CDC16: variants seen among roughly 807,000 people sequenced by gnomAD.
CDC16 encodes cell division cycle protein 16 homolog.
Under a neutral mutation model 87.0 loss-of-function variants are expected in CDC16, and 34 were observed. That is an observed-to-expected ratio of 0.39 (90% confidence interval 0.30 to 0.52). The LOEUF (loss-of-function observed/expected upper bound fraction) is 0.52, where lower values mean the gene tolerates loss of function less well. CDC16 is among the 20% of genes least tolerant of loss of function. CDC16 has a pLI of 0.74. For missense variants in CDC16, 653 were observed against 751.9 expected (o/e 0.87, Z 1.54); for synonymous variants, 263 against 260.6 (o/e 1.01, Z -0.09).
intron 9 of CDC16, among the ~76,000 whole-genome samples, chr13:114,245,561 C>T (rs2081822039): frequency 6.6e-6 from 1 of 152,146 alleles, no homozygotes; most frequent in African/African-American, 2.4e-5. Context: ...CTGCTCTGGT[C>T]TACTGAATCC....
At chr13:114,246,621 G>A (rs2081888283) in intron 10 of CDC16, among the ~76,000 whole-genome samples, 1 of 152,222 alleles carries the variant, frequency 6.6e-6, no homozygotes, top group South Asian at 2.1e-4. Context: ...CTCGGACAGA[G>A]AGCAAGGAAG....
chr13:114,238,874 G>T, intron 3 of CDC16, 116 bp from the exon 4 acceptor site: 1 of 1,325,304 alleles, frequency 7.5e-7, no homozygotes, highest in Non-Finnish European at 1.0e-6. Flanking sequence ...TTTTTTAACT[G>T]CAAGAGTAAA....
At chr13:114,250,305 C>A (rs17291306) in intron 11 of CDC16, among the ~76,000 whole-genome samples, 1 of 152,032 alleles carries the variant, frequency 6.6e-6, no homozygotes, top group Non-Finnish European at 1.5e-5. Context: ...CCAGCCTGAC[C>A]GACATGGTGA....
In CDC16 at chr13:114,247,011, A is replaced by C. The variant is rs1440265336; in HGVS notation, c.971+7A>C. On this transcript the variant is annotated splice_region_variant and intron_variant, in intron 11 of 17. Coordinates refer to ENST00000356221, the MANE Select transcript of CDC16 (RefSeq NM_001078645.3). The stretch of plus-strand genomic sequence containing the variant: ...ATGCCAGAAGATATCTCAGGTATGA[A>C]TTTATTTTTTTCCTCTCTAGTTAAC... 2.5e-6 allele frequency: 4 copies of C among 1,593,308 alleles called. No individual in the cohort carries two copies. The highest frequency in any genetic ancestry group is 2.6e-6 in the Non-Finnish European group (3 of 1,161,384).
chr13:114,262,089 A>C, intron 15 of CDC16, 141 bp downstream of exon 15: 1 of 502,380 alleles, frequency 2.0e-6, no homozygotes, highest in Non-Finnish European at 3.6e-6. Context: ...GCATCAAATC[A>C]GTTTTTATTA....
chr13:114,253,389 T>G (rs2082305312), intron 12 of CDC16, among the ~76,000 whole-genome samples: 1 of 152,030 alleles, frequency 6.6e-6, no homozygotes, highest in East Asian at 1.9e-4. Context: ...TTTTAGTCCT[T>G]TTAAATTTAT....
chr13:114,265,689 T>C (rs2083161256), intron 17 of CDC16, among the ~76,000 whole-genome samples: 1 of 152,218 alleles, frequency 6.6e-6, no homozygotes, highest in East Asian at 1.9e-4. Flanking sequence ...AGTATAAGTT[T>C]GGATGGAATT....
chr13:114,244,937 T>C lies in CDC16; in HGVS notation c.815T>C (p.Ile272Thr), dbSNP rs778377814. 4.3e-6 allele frequency: 7 copies of C among 1,609,602 alleles called. No individual in the cohort carries two copies. The South Asian group carries it at 5.5e-5, about 13-fold the overall frequency. The change falls in exon 9 of 18, where the codon ATA becomes ACA. Residue 272 changes from isoleucine (I) to threonine (T), a missense_variant. Physicochemically the swap from Ile to Thr is moderately conservative, Grantham distance 89 (BLOSUM62 -1). Transcript: ENST00000356221. ...CATGCAAGTTGTTTACCTGTACATATAGGGACGCTTGTAGAGCTGAATAAA... is the reference window on the plus strand; with the variant it reads ...CATGCAAGTTGTTTACCTGTACATACAGGGACGCTTGTAGAGCTGAATAAA... Reference protein sequence around the residue: ...PFHASCLPVHIGTLVELNKAN... With the variant: ...PFHASCLPVHTGTLVELNKAN...
In CDC16 at chr13:114,235,727, G is replaced by T. The variant is rs17337751; in HGVS notation, c.48+595G>T. 7.9e-5 allele frequency among the ~76,000 whole-genome samples: 12 copies of T among 152,274 alleles called. No individual in the cohort carries two copies. The East Asian group carries it at 1.4e-3, about 17-fold the overall frequency. On this transcript the variant is annotated intron_variant, in intron 1 of 17. Transcript: ENST00000356221. ...AAATGCTTGCTCTTTCAGGAAATTG[G>T]AAAGAAAGGGAAAGAAAAGCCATGG... is the stretch of plus-strand genomic sequence containing the variant.
chr13:114,250,537 C>T lies in CDC16; in HGVS notation c.972-12C>T. ...AAATACTATATGACTTAAATTAACTCTTTTGTTTTAGCAAAGCCACAACAC... is the reference window on the plus strand; with the variant it reads ...AAATACTATATGACTTAAATTAACTTTTTTGTTTTAGCAAAGCCACAACAC... On this transcript the variant is annotated splice_polypyrimidine_tract_variant and intron_variant, in intron 11 of 17. Transcript: ENST00000356221. 1 of 1,598,406 alleles carries T rather than the reference C, an allele frequency of 6.3e-7. No homozygotes were observed. Among genetic ancestry groups the T allele is most frequent in the Non-Finnish European group, 8.6e-7 (1 of 1,168,260 alleles).
Position 114,244,977 on chromosome 13 carries a change from T to G in CDC16, c.847+8T>G. 3.4e-6 allele frequency: 5 copies of G among 1,459,578 alleles called. No individual in the cohort carries two copies. The highest frequency in any genetic ancestry group is 4.7e-6 in the Non-Finnish European group (5 of 1,058,940). 90.4% of individuals were successfully genotyped at this position (1,459,578 alleles called of 1,614,324 possible). On this transcript the variant is annotated splice_region_variant and intron_variant, in intron 9 of 17. Coordinates refer to ENST00000356221, the MANE Select transcript of CDC16 (RefSeq NM_001078645.3). ...AGCTGAATAAAGCCAATGGTAAGAC[T>G]TTTTTTTAAATTAAAGTAATTCTTA...
In CDC16 at chr13:114,236,612, C is replaced by G. The variant is rs767232271; in HGVS notation, c.49-33C>G. The G allele has an allele frequency of 3.1e-6, 5 of 1,588,510 alleles. No individual in the cohort carries two copies. In the African/African-American group the frequency reaches 6.9e-5, roughly 22 times the overall value. On this transcript the variant is annotated intron_variant, in intron 1 of 17. Transcript: ENST00000356221. ...GTTTAAGACTATTAAAATAACAGGG[C>G]AGTTACCACCTTTTTTTTTTTTTGG...
At chr13:114,248,449 G>A (rs1465035325) in intron 11 of CDC16, among the ~76,000 whole-genome samples, 11 of 152,202 alleles carry the variant, frequency 7.2e-5, no homozygotes, top group African/African-American at 2.4e-4. Context: ...GGGAGGCCGA[G>A]ACAGGCAGAT....
intron 1 of CDC16, 87 bp downstream of exon 1, chr13:114,235,219 G>C: frequency 1.1e-6 from 1 of 939,688 alleles, no homozygotes; most frequent in African/African-American, 1.7e-5. Flanking sequence ...TGTTGTCGGG[G>C]CTCTTGGTGG....
chr13:114,251,315 G>A (rs1166108655), intron 12 of CDC16, among the ~76,000 whole-genome samples: 1 of 152,142 alleles, frequency 6.6e-6, no homozygotes, highest in Admixed American at 6.5e-5. Context: ...GCCATGTGAC[G>A]TTGGGCAAGT....
chr13:114,240,510 A>G (rs1356757816), intron 5 of CDC16, among the ~76,000 whole-genome samples: 1 of 152,032 alleles, frequency 6.6e-6, no homozygotes, highest in Non-Finnish European at 1.5e-5. Context: ...TGCCCGGCAC[A>G]GTTGGCTAAA....
intron 17 of CDC16, among the ~76,000 whole-genome samples, chr13:114,269,697 T>A (rs1334376649): frequency 1.3e-5 from 2 of 151,724 alleles, no homozygotes; most frequent in Non-Finnish European, 2.9e-5. Context: ...GTTTCACAGA[T>A]TTTTTTATTT....
chr13:114,247,184 C>T, intron 11 of CDC16, 180 bp downstream of exon 11: 1 of 579,316 alleles, frequency 1.7e-6, no homozygotes, highest in Non-Finnish European at 3.1e-6. Flanking sequence ...TCTCACCTCC[C>T]CTCCCCTCTC....
rs2081176726 is a variant in CDC16 at position 114,235,101 on chromosome 13, T to G, written c.17T>G (p.Leu6Arg). Residue 6 changes from leucine to arginine, a missense_variant, in exon 1 of 18, where the codon CTG becomes CGG. Leu to Arg is a moderately radical substitution (Grantham distance 102). Transcript: ENST00000356221. MNLER[L>R]RKRVRQYLDQ... ...CGCGCCGCCATGAACCTAGAGCGGC[T>G]GCGGAAGCGCGTCCGGCAGTACCTC... 1.6e-6 allele frequency: 2 copies of G among 1,245,164 alleles called. No individual in the cohort carries two copies. Among genetic ancestry groups the G allele is most frequent in the Non-Finnish European group, 2.0e-6 (2 of 995,190 alleles). 77.1% of individuals were successfully genotyped at this position (1,245,164 alleles called of 1,614,324 possible). A position where few individuals can be genotyped will look rare whatever the true frequency, so the allele number is the denominator to read the frequency against.
Sources: gnomAD v4.1 joint callset for allele counts (sites outside exome capture counted in the v4.1 genomes callset) on GRCh38, gnomAD v4.1.1 for gene constraint, MANE v1.5 for transcripts, NCBI Gene and HGNC (gene_info 2026-07-23, HGNC 2026-07-21) for gene names.